Variants in BCLAF1 observed in about 807,000 individuals in gnomAD.
BCLAF1 encodes the protein BCL2 associated transcription factor 1, also known as bcl-2-associated transcription factor 1.
In BCLAF1, 10 loss-of-function variants were observed where a neutral mutation model predicts 99.5. The observed-to-expected ratio is 0.10, with a 90% CI of 0.06 to 0.17. The LOEUF is 0.17. Among genes scored for constraint, BCLAF1 ranks in the 10% least tolerant of loss-of-function variants. The pLI, the probability that BCLAF1 is intolerant of heterozygous loss-of-function variation, is 1.00. For missense variants in BCLAF1, 636 were observed against 1,105.8 expected (o/e 0.58, Z 6.02); for synonymous variants, 255 against 370.9 (o/e 0.69, Z 3.59).
chr6:136,259,313 T>C lies in BCLAF1; in HGVS notation c.*1797A>G, dbSNP rs1197575028. The C allele has an allele frequency of 6.6e-6, 1 of 152,058 alleles. No individual in the cohort carries two copies. Among genetic ancestry groups the C allele is most frequent in the Non-Finnish European group, 1.5e-5 (1 of 67,898 alleles). 9.4% of individuals were successfully genotyped at this position (152,058 alleles called of 1,614,324 possible). ...AATTTCTCAGATCCCCTTTTACCTA[T>C]TGTCTTAAGTGGATAAGCACATAGT... On this transcript the variant is annotated 3_prime_UTR_variant, in exon 13 of 13. Coordinates refer to ENST00000531224, the MANE Select transcript of BCLAF1 (RefSeq NM_014739.3).
chr6:136,279,986 CTAT>C, intron 2 of BCLAF1, 110 bp from the exon 3 acceptor site: 3 of 1,186,152 alleles, frequency 2.5e-6, no homozygotes, highest in Non-Finnish European at 3.3e-6. Flanking sequence ...TTCTCAAAGG[CTAT>C]TATTCACCAT....
At chr6:136,276,579 GT>G (rs1330700286) in intron 4 of BCLAF1, 71 bp from the exon 5 acceptor site, 2 of 1,481,616 alleles carry the variant, frequency 1.3e-6, no homozygotes, top group African/African-American at 2.8e-5. Flanking sequence ...ATATTTAAAT[GT>G]GTTGCCCAAT....
intron 7 of BCLAF1, 43 bp from the exon 8 acceptor site, chr6:136,272,122 T>A: frequency 1.4e-6 from 2 of 1,415,086 alleles, no homozygotes; most frequent in Non-Finnish European, 1.9e-6. Context: ...ATTATTAACT[T>A]TTTGGTTCAA....
At chr6:136,285,452 C>T (rs1785004629) in intron 1 of BCLAF1, among the ~76,000 whole-genome samples, 1 of 152,110 alleles carries the variant, frequency 6.6e-6, no homozygotes, top group South Asian at 2.1e-4. Flanking sequence ...AATGGTTAAT[C>T]CAAAATTTGA....
chr6:136,286,357 A>G (rs1222897604), intron 1 of BCLAF1, among the ~76,000 whole-genome samples: 2 of 152,222 alleles, frequency 1.3e-5, no homozygotes, highest in African/African-American at 4.8e-5. Flanking sequence ...CTAGCTGCCC[A>G]ACACTGAACA....
chr6:136,268,495 G>A (rs1002135053), intron 9 of BCLAF1, 156 bp from the exon 10 acceptor site: 1 of 693,832 alleles, frequency 1.4e-6, no homozygotes, highest in South Asian at 1.8e-5. Flanking sequence ...GACACAGTCT[G>A]TTTCCATTCT....
intron 1 of BCLAF1, among the ~76,000 whole-genome samples, chr6:136,285,497 C>T (rs915133232): frequency 6.6e-6 from 1 of 152,174 alleles, no homozygotes; most frequent in Non-Finnish European, 1.5e-5. Context: ...GGTGCTCTCT[C>T]TTCAATACCC....
chr6:136,285,245 G>A (rs1426460455), intron 1 of BCLAF1, among the ~76,000 whole-genome samples: 1 of 152,136 alleles, frequency 6.6e-6, no homozygotes, highest in Non-Finnish European at 1.5e-5. Flanking sequence ...GAAAAAAAGA[G>A]GCAAATCCAA....
Position 136,269,444 on chromosome 6 carries a change from C to G in BCLAF1, c.2212G>C (p.Asp738His). The G allele has an allele frequency of 6.2e-7, 1 of 1,606,046 alleles. No individual in the cohort carries two copies. Among genetic ancestry groups the G allele is most frequent in the Non-Finnish European group, 8.5e-7 (1 of 1,177,024 alleles). Reference sequence around the variant, plus strand: ...GTCAGTTTGAACAATTACCTGTCATCTTTGTAAGATTTGTATTCCTTGTAA... The same window carrying G: ...GTCAGTTTGAACAATTACCTGTCATGTTTGTAAGATTTGTATTCCTTGTAA... Reference protein sequence around the residue: ...KDYKEYKSYKDDSKHKREQDH... With the variant: ...KDYKEYKSYKHDSKHKREQDH... Residue 738 changes from aspartate to histidine, a missense_variant, in exon 9 of 13, where the codon GAT becomes CAT. Asp to His is a moderately conservative substitution (Grantham distance 81, BLOSUM62 -1). This residue lies in a region of BCLAF1 where 180 missense variants were observed against 270.0 expected (regional missense o/e 0.67). Coordinates refer to ENST00000531224, the MANE Select transcript of BCLAF1 (RefSeq NM_014739.3).
Position 136,256,675 on chromosome 6 carries a change from A to ATAAATAAATAAC in BCLAF1, c.*4434_*4435insGTTATTTATTTA, listed in dbSNP as rs1165832123. On this transcript the variant is annotated 3_prime_UTR_variant, in exon 13 of 13. Coordinates refer to ENST00000531224, the MANE Select transcript of BCLAF1 (RefSeq NM_014739.3). ...TCTGGGTAAGACTCCATCTCAATAAATAAATAAATAAATAAATAAATAAAT... is the reference window on the plus strand; with the variant it reads ...TCTGGGTAAGACTCCATCTCAATAAATAAATAAATAACTAAATAAATAAATAAATAAATAAAT... 2 of 150,622 alleles carry ATAAATAAATAAC rather than the reference A, an allele frequency of 1.3e-5. No homozygotes were observed. Among genetic ancestry groups the ATAAATAAATAAC allele is most frequent in the Non-Finnish European group, 2.6e-5 (2 of 75,672 alleles). The allele number at this position is 150,622 out of a possible 1,614,324, so 9.3% of individuals were successfully genotyped here. A position where few individuals can be genotyped will look rare whatever the true frequency, so the allele number is the denominator to read the frequency against.
At position 136,259,027 on chromosome 6, in the gene BCLAF1, C is replaced by T. The variant is rs1178299042; in HGVS notation, c.*2083G>A. 6.6e-6 allele frequency: 1 copy of T among 152,306 alleles called. No individual in the cohort carries two copies. The highest frequency in any genetic ancestry group is 1.9e-4 in the East Asian group (1 of 5,186). 9.4% of individuals were successfully genotyped at this position (152,306 alleles called of 1,614,324 possible). A position where few individuals can be genotyped will look rare whatever the true frequency, so the allele number is the denominator to read the frequency against. ...AGGAACCATTCAACTTTTATAATATCGTAAAGCGTGGAGTTAAGATGTGTT... is the reference window on the plus strand; with the variant it reads ...AGGAACCATTCAACTTTTATAATATTGTAAAGCGTGGAGTTAAGATGTGTT... On this transcript the variant is annotated 3_prime_UTR_variant, in exon 13 of 13. Coordinates refer to ENST00000531224, the MANE Select transcript of BCLAF1 (RefSeq NM_014739.3).
Position 136,275,550 on chromosome 6 carries a change from A to G in BCLAF1, c.1834T>C (p.Leu612=). ...AGCATACCTTTAACATGATGAACCAAGGACACAATGTGTTGAATAAATGAC... is the reference window on the plus strand; with the variant it reads ...AGCATACCTTTAACATGATGAACCAGGGACACAATGTGTTGAATAAATGAC... ...SESFIQHIVS[L]VHHVKEQYFK... The change falls in exon 6 of 13, where the codon TTG becomes CTG. Residue 612 remains leucine, a synonymous_variant. Coordinates refer to ENST00000531224, the MANE Select transcript of BCLAF1 (RefSeq NM_014739.3). 6.4e-7 allele frequency: 1 copy of G among 1,561,718 alleles called. No homozygotes were observed. The highest frequency in any genetic ancestry group is 8.6e-7 in the Non-Finnish European group (1 of 1,159,486).
intron 1 of BCLAF1, among the ~76,000 whole-genome samples, chr6:136,286,827 G>A (rs1424823690): frequency 2.6e-5 from 4 of 152,166 alleles, no homozygotes; most frequent in African/African-American, 9.7e-5. Flanking sequence ...AATTAGACGG[G>A]CGTGGTGGCA....
chr6:136,288,375 A>G (rs934927102), intron 1 of BCLAF1, among the ~76,000 whole-genome samples: 3 of 152,150 alleles, frequency 2.0e-5, no homozygotes, highest in Non-Finnish European at 4.4e-5. Flanking sequence ...CTCCCATCAA[A>G]TTACCTATCC....
At position 136,277,858 on chromosome 6, in the gene BCLAF1, T is replaced by A; in HGVS notation, c.1016+7A>T. The stretch of plus-strand genomic sequence containing the variant: ...TTATAATCTAGATTCTGTATTTTAG[T>A]TTTTACCTTTTTAAGAACTTCCCAG... On this transcript the variant is annotated splice_region_variant and intron_variant, in intron 4 of 12. Coordinates refer to ENST00000531224, the MANE Select transcript of BCLAF1 (RefSeq NM_014739.3). The A allele has an allele frequency of 6.2e-7, 1 of 1,605,708 alleles. No individual in the cohort carries two copies. The highest frequency in any genetic ancestry group is 8.5e-7 in the Non-Finnish European group (1 of 1,176,054).
intron 8 of BCLAF1, among the ~76,000 whole-genome samples, chr6:136,270,607 T>C (rs1321592378): frequency 1.3e-5 from 2 of 151,892 alleles, no homozygotes; most frequent in Admixed American, 1.3e-4. Context: ...AACCTTCCTA[T>C]TCACCTAGGT....
rs553855967 is a variant in BCLAF1, at chr6:136,276,277, G to C, written c.1248C>G (p.Leu416=). 4 of 1,593,822 alleles carry C rather than the reference G, an allele frequency of 2.5e-6. No individual in the cohort carries two copies. The highest frequency in any genetic ancestry group is 3.4e-6 in the Non-Finnish European group (4 of 1,171,612). ...EDYRQFRKSV[L]ADQGKSFATA... ...TAGCAAAACTTTTACCCTGATCTGC[G>C]AGGACTGACTTCCTGAACTGTCTAT... The change falls in exon 5 of 13, where the codon CTC becomes CTG. Residue 416 remains leucine, a synonymous_variant. Transcript: ENST00000531224.
intron 1 of BCLAF1, among the ~76,000 whole-genome samples, chr6:136,282,942 T>C (rs1784569580): frequency 6.6e-6 from 1 of 151,870 alleles, no homozygotes; most frequent in Non-Finnish European, 1.5e-5. Context: ...TTTTAGTAAT[T>C]TGAGCCTTAA....
At chr6:136,276,634 C>T (rs541902832) in intron 4 of BCLAF1, 126 bp from the exon 5 acceptor site, 327 of 1,145,546 alleles carry the variant, frequency 2.9e-4, no homozygotes, top group Non-Finnish European at 3.7e-4. Flanking sequence ...TTGAAAAGTG[C>T]TTTTTCAGAT....
Sources: gnomAD v4.1 joint callset for allele counts (sites outside exome capture counted in the v4.1 genomes callset) on GRCh38, gnomAD v4.1.1 for gene constraint, gnomAD v4.1.1 regional missense constraint, MANE v1.5 for transcripts, NCBI Gene and HGNC (gene_info 2026-07-23, HGNC 2026-07-21) for gene names.